ARHGAP15: variants seen among roughly 807,000 people sequenced by gnomAD.
ARHGAP15 encodes rho GTPase-activating protein 15.
Under a neutral mutation model 63.7 loss-of-function variants are expected in ARHGAP15, and 51 were observed. The ratio of observed to expected loss-of-function variants is 0.80; its 90% CI spans 0.64 to 1.01. The LOEUF (loss-of-function observed/expected upper bound fraction) is 1.01. Among genes scored for constraint, ARHGAP15 ranks in the 50% least tolerant of loss-of-function variants. ARHGAP15 has a pLI of 0.00. For synonymous variants in ARHGAP15, 191 were observed against 193.8 expected, an observed-to-expected ratio of 0.99 and a Z score of 0.12; for missense variants, 560 against 564.6, an observed-to-expected ratio of 0.99 and a Z score of 0.08.
rs1692776067 is a variant in ARHGAP15 at position 143,216,834 on chromosome 2, C to T, written c.296+389C>T. On this transcript the variant is annotated intron_variant, in intron 4 of 13. Coordinates refer to ENST00000295095, the MANE Select transcript of ARHGAP15 (RefSeq NM_018460.4). ...TTCTTGAAGGATGGAAGATTTGAACCACTTTTGTAGCTCAAAATAGAAATT... is the reference window on the plus strand; with the variant it reads ...TTCTTGAAGGATGGAAGATTTGAACTACTTTTGTAGCTCAAAATAGAAATT... Among the ~76,000 whole-genome samples, 3 of 152,094 alleles carry T rather than the reference C, an allele frequency of 2.0e-5. No homozygotes were observed. The South Asian group carries it at 6.2e-4, about 32-fold the overall frequency.
intron 6 of ARHGAP15, among the ~76,000 whole-genome samples, chr2:143,428,794 A>G (rs1471285896): frequency 6.6e-6 from 1 of 152,152 alleles, no homozygotes; most frequent in East Asian, 1.9e-4. Context: ...TAATAAAAAT[A>G]ATACCAATTT....
intron 9 of ARHGAP15, among the ~76,000 whole-genome samples, chr2:143,491,704 A>G (rs1231404412): frequency 6.6e-6 from 1 of 152,152 alleles, no homozygotes; most frequent in East Asian, 1.9e-4. Context: ...GATTTGGTCC[A>G]TACCTACATC....
chr2:143,624,068 A>C, intron 11 of ARHGAP15, 65 bp from the exon 12 acceptor site: 2 of 1,573,050 alleles, frequency 1.3e-6, no homozygotes, highest in Admixed American at 3.4e-5. Context: ...CATTAACATA[A>C]TAATTAGTGT....
At chr2:143,652,182 C>G (rs1681201434) in intron 12 of ARHGAP15, among the ~76,000 whole-genome samples, 1 of 151,912 alleles carries the variant, frequency 6.6e-6, no homozygotes, top group African/African-American at 2.4e-5. Context: ...TTTTGCTACT[C>G]TAGGTCAAGG....
chr2:143,574,617 T>G (rs1696598951), intron 11 of ARHGAP15, among the ~76,000 whole-genome samples: 1 of 152,150 alleles, frequency 6.6e-6, no homozygotes, highest in Non-Finnish European at 1.5e-5. Flanking sequence ...GCTGCCCACT[T>G]GGTTATGACG....
At chr2:143,391,422 T>G (rs1687534258) in intron 6 of ARHGAP15, among the ~76,000 whole-genome samples, 1 of 152,220 alleles carries the variant, frequency 6.6e-6, no homozygotes, top group South Asian at 2.1e-4. Context: ...GAGAAACATT[T>G]ATGCCATTAT....
chr2:143,381,808 C>A (rs1484046128), intron 6 of ARHGAP15, among the ~76,000 whole-genome samples: 1 of 152,068 alleles, frequency 6.6e-6, no homozygotes, highest in East Asian at 1.9e-4. Flanking sequence ...TAGATTCTTT[C>A]CCTACTGTGC....
chr2:143,224,994 T>C (rs1693148131), intron 4 of ARHGAP15, among the ~76,000 whole-genome samples: 1 of 152,120 alleles, frequency 6.6e-6, no homozygotes, highest in Non-Finnish European at 1.5e-5. Flanking sequence ...AGTTGAACAG[T>C]ATATAAAAAA....
chr2:143,226,506 T>C (rs1256285552), intron 4 of ARHGAP15, among the ~76,000 whole-genome samples: 1 of 152,218 alleles, frequency 6.6e-6, no homozygotes, highest in Non-Finnish European at 1.5e-5. Context: ...ACTAGACTTC[T>C]AATAATCTTT....
At chr2:143,370,055 G>A (rs1686475255) in intron 6 of ARHGAP15, among the ~76,000 whole-genome samples, 1 of 152,052 alleles carries the variant, frequency 6.6e-6, no homozygotes, top group South Asian at 2.1e-4. Flanking sequence ...TAAGGAGTAG[G>A]TCTTAAAACA....
chr2:143,307,584 T>A (rs1357293113), intron 6 of ARHGAP15, among the ~76,000 whole-genome samples: 1 of 152,084 alleles, frequency 6.6e-6, no homozygotes. Flanking sequence ...ACAAATTGAA[T>A]AATGAGGGAA....
At chr2:143,345,047 C>G (rs1685211312) in intron 6 of ARHGAP15, among the ~76,000 whole-genome samples, 3 of 152,050 alleles carry the variant, frequency 2.0e-5, no homozygotes. Flanking sequence ...CAAATCACAC[C>G]AGCAGTTCAG....
intron 6 of ARHGAP15, among the ~76,000 whole-genome samples, chr2:143,254,312 T>C (rs920025172): frequency 6.6e-6 from 1 of 152,078 alleles, no homozygotes; most frequent in South Asian, 2.1e-4. Context: ...GCGGGGCTAC[T>C]GTCACCTTCT....
intron 11 of ARHGAP15, among the ~76,000 whole-genome samples, chr2:143,622,009 T>G (rs1274790103): frequency 6.6e-6 from 1 of 152,124 alleles, no homozygotes; most frequent in Non-Finnish European, 1.5e-5. Flanking sequence ...GTTGTGTGTG[T>G]GTGTGTGTGT....
intron 13 of ARHGAP15, among the ~76,000 whole-genome samples, chr2:143,725,987 T>G (rs969802389): frequency 6.6e-6 from 1 of 152,224 alleles, no homozygotes; most frequent in African/African-American, 2.4e-5. Context: ...TCTTTGTGCA[T>G]GTATAAAAGA....
chr2:143,280,604 G>A (rs778640405), intron 6 of ARHGAP15, among the ~76,000 whole-genome samples: 44 of 152,214 alleles, frequency 2.9e-4, no homozygotes, highest in South Asian at 1.2e-3. Context: ...GTTTTTCCCC[G>A]TATGGTGACA....
intron 6 of ARHGAP15, among the ~76,000 whole-genome samples, chr2:143,378,986 T>A (rs926736769): frequency 6.6e-6 from 1 of 151,872 alleles, no homozygotes; most frequent in African/African-American, 2.4e-5. Context: ...TTTTTTTATT[T>A]TTTATTTATT....
At chr2:143,291,835 C>T (rs1339948878) in intron 6 of ARHGAP15, among the ~76,000 whole-genome samples, 4 of 152,018 alleles carry the variant, frequency 2.6e-5, no homozygotes, top group African/African-American at 4.8e-5. Context: ...CTGAGACTAG[C>T]GCTGAAAAGA....
chr2:143,687,529 G>A (rs892883558), intron 12 of ARHGAP15, among the ~76,000 whole-genome samples: 5 of 152,140 alleles, frequency 3.3e-5, no homozygotes, highest in Non-Finnish European at 7.4e-5. Flanking sequence ...CTCTGCAAGT[G>A]CCCCTACGCC....
Sources: allele counts gnomAD v4.1 joint callset (sites outside exome capture counted in the v4.1 genomes callset), GRCh38; gene constraint gnomAD v4.1.1; transcripts MANE v1.5; gene names NCBI Gene and HGNC (gene_info 2026-07-23, HGNC 2026-07-21).